Variants in REDIC1 observed in about 807,000 individuals in gnomAD.
REDIC1 encodes the protein regulator of DNA class I crossover intermediates 1.
At chr12:39,818,043 C>T in the REDIC1 span, among the ~76,000 whole-genome samples, 1 of 152,182 alleles carries the variant, frequency 6.6e-6, no homozygotes, top group African/African-American at 2.4e-5. Flanking sequence ...AGCTCTTTAA[C>T]TTCTACAGAT....
At chr12:39,657,476 A>G in the REDIC1 span, among the ~76,000 whole-genome samples, 5 of 152,242 alleles carry the variant, frequency 3.3e-5, no homozygotes, top group African/African-American at 1.2e-4. Flanking sequence ...AACTTAAATC[A>G]TAAAGTTAAT....
At chr12:39,713,786 T>C in the REDIC1 span, among the ~76,000 whole-genome samples, 5 of 149,136 alleles carry the variant, frequency 3.4e-5, no homozygotes, top group South Asian at 6.3e-4. Context: ...TACGTAAATA[T>C]ACATAGATGT....
At chr12:39,901,310 G>C in the REDIC1 span, among the ~76,000 whole-genome samples, 2 of 152,102 alleles carry the variant, frequency 1.3e-5, no homozygotes, top group Non-Finnish European at 2.9e-5. Flanking sequence ...AACACCAAAA[G>C]TAATGGCAAC....
At chr12:39,860,927 C>T in the REDIC1 span, among the ~76,000 whole-genome samples, 1 of 152,186 alleles carries the variant, frequency 6.6e-6, no homozygotes, top group Admixed American at 6.5e-5. Context: ...AGGCACACCC[C>T]TGCTTAAAAT....
the REDIC1 span, among the ~76,000 whole-genome samples, chr12:39,807,066 G>T: frequency 6.6e-6 from 1 of 152,032 alleles, no homozygotes; most frequent in Non-Finnish European, 1.5e-5. Context: ...AGTAATTATA[G>T]TTTTTGCCAC....
chr12:39,895,306 C>T, the REDIC1 span, among the ~76,000 whole-genome samples: 4 of 151,216 alleles, frequency 2.6e-5, no homozygotes, highest in East Asian at 1.9e-4. Context: ...CTGGCTAATA[C>T]GGGGAAATCC....
the REDIC1 span, among the ~76,000 whole-genome samples, chr12:39,713,044 T>C: frequency 2.1e-5 from 3 of 143,772 alleles, no homozygotes; most frequent in East Asian, 2.0e-4. Flanking sequence ...TATATATACA[T>C]GTGTATATAC....
At chr12:39,655,528 G>T in the REDIC1 span, among the ~76,000 whole-genome samples, 1 of 152,126 alleles carries the variant, frequency 6.6e-6, no homozygotes, top group African/African-American at 2.4e-5. Context: ...ATGACCTCAG[G>T]TCTGGGAGTT....
the REDIC1 span, among the ~76,000 whole-genome samples, chr12:39,799,079 T>TC: frequency 1.6e-4 from 24 of 149,152 alleles, no homozygotes; most frequent in African/African-American, 5.6e-4. Context: ...TTTTTTTTTT[T>TC]CCTTTTTTTT....
the REDIC1 span, among the ~76,000 whole-genome samples, chr12:39,801,339 TAA>T: frequency 0.022 from 2,787 of 126,708 alleles, 71 homozygotes; most frequent in African/African-American, 0.077. Flanking sequence ...ATGAGGAAAT[TAA>T]AAAAAAAAAA....
the REDIC1 span, among the ~76,000 whole-genome samples, chr12:39,690,222 A>G: frequency 2.0e-5 from 3 of 152,252 alleles, no homozygotes; most frequent in Non-Finnish European, 2.9e-5. Flanking sequence ...ACGGGCTAAA[A>G]CAAGCAAACA....
the REDIC1 span, among the ~76,000 whole-genome samples, chr12:39,774,162 C>T: frequency 3.3e-5 from 5 of 152,092 alleles, no homozygotes; most frequent in East Asian, 1.9e-4. Flanking sequence ...GTGGTGAAAA[C>T]GTACCTAGGA....
the REDIC1 span, among the ~76,000 whole-genome samples, chr12:39,715,261 G>A: frequency 3.0e-4 from 45 of 151,848 alleles, no homozygotes; most frequent in South Asian, 6.2e-4. Flanking sequence ...GATGAGGATC[G>A]TTTCATTCTC....
At chr12:39,887,236 T>C in the REDIC1 span, among the ~76,000 whole-genome samples, 2 of 152,228 alleles carry the variant, frequency 1.3e-5, no homozygotes, top group Non-Finnish European at 2.9e-5. Context: ...TTGTCACTAG[T>C]AGTGAAATTC....
the REDIC1 span, among the ~76,000 whole-genome samples, chr12:39,693,473 A>T: frequency 6.6e-6 from 1 of 151,820 alleles, no homozygotes; most frequent in South Asian, 2.1e-4. Flanking sequence ...AAAAAAATAA[A>T]TCCTAAAAAT....
the REDIC1 span, among the ~76,000 whole-genome samples, chr12:39,681,471 A>G: frequency 6.6e-6 from 1 of 152,224 alleles, no homozygotes; most frequent in Non-Finnish European, 1.5e-5. Flanking sequence ...CTATTGAAAG[A>G]ATAATAAAAA....
the REDIC1 span, among the ~76,000 whole-genome samples, chr12:39,694,422 C>G: frequency 1.5e-5 from 2 of 135,344 alleles, no homozygotes; most frequent in African/African-American, 4.9e-5. Context: ...GAGAGTGATT[C>G]TGTGTACTGG....
At chr12:39,882,665 G>A in the REDIC1 span, among the ~76,000 whole-genome samples, 3 of 151,936 alleles carry the variant, frequency 2.0e-5, no homozygotes, top group African/African-American at 7.3e-5. Context: ...AATCAGATGG[G>A]TGCTCCCCTG....
the REDIC1 span, among the ~76,000 whole-genome samples, chr12:39,680,994 G>A: frequency 3.9e-5 from 6 of 152,248 alleles, no homozygotes; most frequent in East Asian, 7.7e-4. Context: ...ATAATGGACC[G>A]GGTGTGGTGG....
Sources: gnomAD v4.1 joint callset for allele counts (sites outside exome capture counted in the v4.1 genomes callset) on GRCh38, gnomAD v4.1.1 for gene constraint, MANE v1.5 for transcripts, NCBI Gene and HGNC (gene_info 2026-07-23, HGNC 2026-07-21) for gene names.